ANKRD11: variants seen among roughly 807,000 people sequenced by gnomAD.
ANKRD11 encodes the protein ankyrin repeat domain 11.
A neutral mutation model predicts 195.7 loss-of-function variants in ANKRD11; 17 were observed. That is an observed-to-expected ratio of 0.09 (90% CI 0.06 to 0.13). ANKRD11 has a LOEUF of 0.13. Among genes scored for constraint, ANKRD11 ranks in the 10% least tolerant of loss-of-function variants. The pLI is 1.00. For synonymous variants in ANKRD11, 1,953 were observed against 1,528.1 expected (o/e 1.28, Z -6.49); for missense variants, 3,735 against 3,566.1 (o/e 1.05, Z -1.21).
intron 2 of ANKRD11, among the ~76,000 whole-genome samples, chr16:89,365,931 G>A (rs1013381955): frequency 1.3e-5 from 2 of 151,888 alleles, no homozygotes; most frequent in East Asian, 3.9e-4. Context: ...TCATCATTTC[G>A]TTCCCATTCA....
intron 2 of ANKRD11, among the ~76,000 whole-genome samples, chr16:89,370,409 C>T (rs1052395775): frequency 2.6e-5 from 4 of 152,180 alleles, no homozygotes; most frequent in Admixed American, 6.5e-5. Context: ...TAGGATCCTA[C>T]AGGATCCTGA....
chr16:89,268,438 C>T lies in ANKRD11; in HGVS notation c.*40G>A, dbSNP rs1315359053. 5.5e-6 allele frequency: 5 copies of T among 908,112 alleles called. No individual in the cohort carries two copies. The African/African-American group carries it at 7.7e-5, about 14-fold the overall frequency. The allele number at this position is 908,112 out of a possible 1,614,324, so 56.3% of individuals were successfully genotyped here. ...GGGCTCAGCAGCAGTCCTGGGCAGC[C>T]GTGCGGCCCTCGCCTGCGTCCTGCG... On this transcript the variant is annotated 3_prime_UTR_variant, in exon 13 of 13. Transcript: ENST00000301030.
At chr16:89,420,339 C>T (rs1448519665) in intron 1 of ANKRD11, 1 of 152,180 alleles carries the variant, frequency 6.6e-6, no homozygotes, top group African/African-American at 2.4e-5. Flanking sequence ...AGCGCGCCAA[C>T]AGGGTTGAGC....
rs558429739 is a variant in ANKRD11, at chr16:89,473,834, G to A, written c.-145+16411C>T. 8.5e-5 allele frequency among the ~76,000 whole-genome samples: 13 copies of A among 152,312 alleles called. No individual in the cohort carries two copies. In the South Asian group the frequency reaches 1.4e-3, roughly 17 times the overall value. On this transcript the variant is annotated intron_variant, in intron 1 of 12. Transcript: ENST00000301030. ...GTGCAAGGCGGGTGGGACCTGTGAC[G>A]TGCTTCTAACCCACAGAATGTGGTG...
chr16:89,465,446 G>C (rs2056848675), intron 1 of ANKRD11, among the ~76,000 whole-genome samples: 1 of 152,110 alleles, frequency 6.6e-6, no homozygotes, highest in South Asian at 2.1e-4. Context: ...AGAGAACAGG[G>C]GCAGCACACT....
At chr16:89,372,985 G>A (rs77693971) in intron 2 of ANKRD11, 5 of 152,296 alleles carry the variant, frequency 3.3e-5, no homozygotes, top group African/African-American at 1.2e-4. Context: ...CATACACCCC[G>A]AGGAAGGCAC....
Position 89,279,873 on chromosome 16 carries a change from C to G in ANKRD11, c.6669G>C (p.Ala2223=). The G allele has an allele frequency of 6.3e-7, 1 of 1,575,662 alleles. No homozygotes were observed. The highest frequency in any genetic ancestry group is 8.6e-7 in the Non-Finnish European group (1 of 1,162,210). ...LDVALEAAVE[A]ETVPEERARG... is the part of the protein sequence containing the mutation. ...GGGCCCTCTCTTCCGGCACCGTCTC[C>G]GCCTCCACCGCAGCTTCTAGAGCCA... The change falls in exon 9 of 13, where the codon GCG becomes GCC. Residue 2223 remains alanine (A), a synonymous_variant. Transcript: ENST00000301030. The surrounding 1 kb of genome is among the most constrained non-coding windows in gnomAD (Gnocchi z 5.6).
intron 1 of ANKRD11, among the ~76,000 whole-genome samples, chr16:89,425,407 T>C (rs1011436636): frequency 5.9e-5 from 9 of 152,270 alleles, no homozygotes; most frequent in African/African-American, 2.2e-4. Flanking sequence ...ACAATGTAAC[T>C]TTAGAGGACT....
intron 12 of ANKRD11, chr16:89,270,503 T>A (rs919315692): frequency 2.3e-6 from 1 of 430,538 alleles, no homozygotes; most frequent in African/African-American, 2.0e-5. Flanking sequence ...GGGTGAATGC[T>A]GGGACCTTAG....
chr16:89,278,663 A>C, intron 9 of ANKRD11: 1 of 463,068 alleles, frequency 2.2e-6, no homozygotes. Context: ...GGCTCAGGGA[A>C]CCCACGCGGG....
At chr16:89,418,780 T>G (rs1235432503) in intron 1 of ANKRD11, among the ~76,000 whole-genome samples, 5 of 151,774 alleles carry the variant, frequency 3.3e-5, no homozygotes, top group Non-Finnish European at 5.9e-5. Flanking sequence ...TTTTTTTTTT[T>G]GGAGACAGAG....
intron 1 of ANKRD11, among the ~76,000 whole-genome samples, chr16:89,462,799 C>CA (rs2056734119): frequency 6.6e-6 from 1 of 151,496 alleles, no homozygotes; most frequent in Non-Finnish European, 1.5e-5. Context: ...CCGGCAACCA[C>CA]CCCGTCTGAG....
chr16:89,441,865 T>C (rs944968469), intron 1 of ANKRD11, among the ~76,000 whole-genome samples: 3 of 149,886 alleles, frequency 2.0e-5, no homozygotes, highest in Non-Finnish European at 4.4e-5. Context: ...GGAATCTCTC[T>C]GGATGGCAAG....
intron 2 of ANKRD11, among the ~76,000 whole-genome samples, chr16:89,318,278 T>C (rs1401204198): frequency 6.6e-6 from 1 of 152,182 alleles, no homozygotes; most frequent in Non-Finnish European, 1.5e-5. Flanking sequence ...TCTAGGTTTG[T>C]TCACCATCAC....
chr16:89,370,040 G>A (rs140781637), intron 2 of ANKRD11, among the ~76,000 whole-genome samples: 42 of 152,340 alleles, frequency 2.8e-4, no homozygotes, highest in Admixed American at 8.5e-4. Flanking sequence ...ATCCAGTAAC[G>A]AGAACGCAAA....
At chr16:89,340,513 G>A (rs1231221683) in intron 2 of ANKRD11, among the ~76,000 whole-genome samples, 3 of 152,188 alleles carry the variant, frequency 2.0e-5, no homozygotes, top group South Asian at 2.1e-4. Flanking sequence ...GACTTCAGGC[G>A]ATCCACCTGC....
In ANKRD11 at chr16:89,283,945, C is replaced by G. The variant is rs752743410; in HGVS notation, c.2597G>C (p.Arg866Thr). 6.2e-7 allele frequency: 1 copy of G among 1,614,190 alleles called. No individual in the cohort carries two copies. The highest frequency in any genetic ancestry group is 8.5e-7 in the Non-Finnish European group (1 of 1,180,038). The change falls in exon 9 of 13, where the codon AGG (arginine) becomes ACG (threonine). Residue 866 changes from arginine to threonine, a missense_variant. By Grantham distance (71) the Arg-to-Thr change is moderately conservative. Transcript: ENST00000301030. This position sits in a 1 kb window ranked among gnomAD's most constrained non-coding sequence, Gnocchi z 4.3. ...DSWDSPVTDY[R>T]DMKSDSVAKL... ...GGCCACAGAGTCGCTCTTCATGTCC[C>G]TGTAGTCTGTCACTGGCGAGTCCCA... is the stretch of plus-strand genomic sequence containing the variant.
At chr16:89,304,867 G>C (rs2036084076) in intron 4 of ANKRD11, among the ~76,000 whole-genome samples, 1 of 152,298 alleles carries the variant, frequency 6.6e-6, no homozygotes, top group East Asian at 1.9e-4. Flanking sequence ...GCCCTGAGGG[G>C]AACCACTGTC....
intron 1 of ANKRD11, among the ~76,000 whole-genome samples, chr16:89,454,063 C>G (rs1436710157): frequency 6.6e-6 from 1 of 152,202 alleles, no homozygotes; most frequent in Non-Finnish European, 1.5e-5. Flanking sequence ...AATAATCCTT[C>G]CACAATGCAA....
Sources: gnomAD v4.1 joint callset for allele counts (sites outside exome capture counted in the v4.1 genomes callset) on GRCh38, gnomAD v4.1.1 for gene constraint, Gnocchi (gnomAD v3.1) non-coding constraint, MANE v1.5 for transcripts, NCBI Gene and HGNC (gene_info 2026-07-23, HGNC 2026-07-21) for gene names.